Variants in MED12L observed in about 807,000 individuals in gnomAD.
MED12L encodes the protein mediator of RNA polymerase II transcription subunit 12-like protein.
A neutral mutation model predicts 281.3 loss-of-function variants in MED12L; 60 were observed. That is an observed-to-expected ratio of 0.21 (90% CI 0.17 to 0.26). MED12L has a LOEUF of 0.26. MED12L is among the 10% of genes least tolerant of loss of function. MED12L has a pLI of 1.00. For missense variants in MED12L, 2,146 were observed against 2,680.9 expected (o/e 0.80, Z 4.41); for synonymous variants, 974 against 987.2 (o/e 0.99, Z 0.25).
chr3:151,426,348 G>A (rs964291807), intron 43 of MED12L, among the ~76,000 whole-genome samples: 1 of 152,158 alleles, frequency 6.6e-6, no homozygotes, highest in African/African-American at 2.4e-5. Context: ...TCACAGGAGG[G>A]GTTCAGTTTG....
intron 16 of MED12L, among the ~76,000 whole-genome samples, chr3:151,270,490 C>T (rs565673295): frequency 3.9e-5 from 6 of 152,184 alleles, no homozygotes; most frequent in Admixed American, 1.3e-4. Flanking sequence ...TGGTGCTAAG[C>T]CCCTGTGTAT....
Position 151,232,982 on chromosome 3 carries a change from C to G in MED12L, c.2250+39316C>G, listed in dbSNP as rs567351263. On this transcript the variant is annotated intron_variant, in intron 16 of 44. Coordinates refer to ENST00000687756, the MANE Select transcript of MED12L (RefSeq NM_001393769.1). ...AAAACAAAATTTTCTTTTCACCTTT[C>G]AAATATTCTTCTAACAGCTATTACC... Among the ~76,000 whole-genome samples, 21 of 152,232 alleles carry G rather than the reference C, an allele frequency of 1.4e-4. No individual in the cohort carries two copies. The East Asian group carries it at 4.0e-3, about 29-fold the overall frequency.
intron 16 of MED12L, among the ~76,000 whole-genome samples, chr3:151,272,949 A>T (rs1488469534): frequency 2.6e-5 from 4 of 152,208 alleles, no homozygotes; most frequent in African/African-American, 9.6e-5. Flanking sequence ...TGAAGTCCGA[A>T]GTGCTTCAAT....
chr3:151,369,587 C>A (rs1755928475), intron 26 of MED12L, 38 bp downstream of exon 26: 45 of 1,348,638 alleles, frequency 3.3e-5, no homozygotes, highest in Non-Finnish European at 4.5e-5. Context: ...TGGTTAATCA[C>A]CAGAAATGAA....
At chr3:151,295,467 T>G (rs1481308420) in intron 16 of MED12L, among the ~76,000 whole-genome samples, 1 of 152,220 alleles carries the variant, frequency 6.6e-6, no homozygotes, top group African/African-American at 2.4e-5. Context: ...TGCCAGCCTT[T>G]TGAAAATAAA....
At chr3:151,329,687 A>G in intron 16 of MED12L, 1 of 492,878 alleles carries the variant, frequency 2.0e-6, no homozygotes, top group East Asian at 3.3e-5. Flanking sequence ...AAACTTTCAT[A>G]CTGTTAATCT....
At chr3:151,095,831 A>G (rs1006331718) in intron 2 of MED12L, among the ~76,000 whole-genome samples, 3 of 152,166 alleles carry the variant, frequency 2.0e-5, no homozygotes, top group African/African-American at 7.2e-5. Context: ...ACTTGAGCCT[A>G]GGAGTTCAAT....
chr3:151,164,998 A>G (rs1354309232), intron 9 of MED12L, among the ~76,000 whole-genome samples: 1 of 149,268 alleles, frequency 6.7e-6, no homozygotes, highest in African/African-American at 2.5e-5. Context: ...AACTTAAAGT[A>G]TAATAAAAAT....
intron 43 of MED12L, among the ~76,000 whole-genome samples, chr3:151,417,488 T>TC (rs1717745522): frequency 1.8e-4 from 2 of 10,992 alleles, no homozygotes; most frequent in Admixed American, 8.3e-4. Flanking sequence ...CCCCCCCGCC[T>TC]TTTTTTTTTT....
At chr3:151,383,685 A>G in intron 33 of MED12L, 94 bp from the exon 34 acceptor site, 1 of 749,418 alleles carries the variant, frequency 1.3e-6, no homozygotes, top group South Asian at 1.9e-5. Flanking sequence ...TTGTTTTTTT[A>G]AATAAAAAAC....
At chr3:151,417,078 T>C (rs532974487) in intron 43 of MED12L, among the ~76,000 whole-genome samples, 1 of 152,356 alleles carries the variant, frequency 6.6e-6, no homozygotes, top group Admixed American at 6.5e-5. Context: ...ATTTTATCAT[T>C]ACCATCCATA....
At chr3:151,233,643 G>A (rs1732153600) in intron 16 of MED12L, among the ~76,000 whole-genome samples, 1 of 152,216 alleles carries the variant, frequency 6.6e-6, no homozygotes, top group Non-Finnish European at 1.5e-5. Context: ...TGAGGCAGGA[G>A]AATCACTTGA....
chr3:151,378,108 G>A lies in MED12L; in HGVS notation c.4413G>A (p.Glu1471=), dbSNP rs759607385. Residue 1471 remains glutamate (E), a synonymous_variant, in exon 31 of 45, where the codon GAG becomes GAA. Coordinates refer to ENST00000687756, the MANE Select transcript of MED12L (RefSeq NM_001393769.1). ...GAGTGCTGAAAGCCGCTGGGGAAGA[G>A]CTGGAGAAGGGACAGCACTTGGGTT... ...QGRVLKAAGE[E]LEKGQHLGSS... 2 of 1,611,812 alleles carry A rather than the reference G, an allele frequency of 1.2e-6. No homozygotes were observed. Among genetic ancestry groups the A allele is most frequent in the Non-Finnish European group, 1.7e-6 (2 of 1,178,680 alleles).
intron 5 of MED12L, among the ~76,000 whole-genome samples, chr3:151,139,131 A>G (rs1419372044): frequency 3.3e-5 from 5 of 152,062 alleles, no homozygotes; most frequent in Non-Finnish European, 7.4e-5. Context: ...ACCTTTGTCC[A>G]TTGAGAGCTC....
intron 39 of MED12L, among the ~76,000 whole-genome samples, chr3:151,401,686 A>AT (rs2108298282): frequency 6.6e-6 from 1 of 152,294 alleles, no homozygotes; most frequent in Admixed American, 6.5e-5. Flanking sequence ...GTTGAAACAT[A>AT]TTTTGAGTAT....
At chr3:151,164,891 T>C (rs1161785689) in intron 9 of MED12L, among the ~76,000 whole-genome samples, 1 of 152,052 alleles carries the variant, frequency 6.6e-6, no homozygotes, top group Non-Finnish European at 1.5e-5. Context: ...TTAGGAGATA[T>C]ACCTAATGTT....
intron 16 of MED12L, among the ~76,000 whole-genome samples, chr3:151,227,720 G>A (rs1471693597): frequency 6.6e-6 from 1 of 152,198 alleles, no homozygotes; most frequent in East Asian, 1.9e-4. Flanking sequence ...CCCACTGTTA[G>A]CCTTTACTCT....
intron 13 of MED12L, among the ~76,000 whole-genome samples, chr3:151,189,265 G>C (rs1368061298): frequency 6.6e-6 from 1 of 152,186 alleles, no homozygotes; most frequent in Non-Finnish European, 1.5e-5. Flanking sequence ...TGCAGGTGAG[G>C]TTCTTTGAGA....
chr3:151,108,295 G>A (rs1272525552), intron 2 of MED12L, among the ~76,000 whole-genome samples: 1 of 152,086 alleles, frequency 6.6e-6, no homozygotes, highest in African/African-American at 2.4e-5. Context: ...AAGGAATAAA[G>A]GGGAGATATG....
Sources: allele counts gnomAD v4.1 joint callset (sites outside exome capture counted in the v4.1 genomes callset), GRCh38; gene constraint gnomAD v4.1.1; transcripts MANE v1.5; gene names NCBI Gene and HGNC (gene_info 2026-07-23, HGNC 2026-07-21).